PTDSS2: variants seen among roughly 807,000 people sequenced by gnomAD.
PTDSS2 encodes the protein phosphatidylserine synthase 2, also known as PSS-2.
PTDSS2 carries 41 observed loss-of-function variants against 64.7 expected under a neutral mutation model. That is an observed-to-expected ratio of 0.63 (90% CI 0.49 to 0.82). The LOEUF is 0.82. Among genes scored for constraint, PTDSS2 ranks in the 40% least tolerant of loss-of-function variants. The pLI is 0.00. For synonymous variants in PTDSS2, 297 were observed against 277.8 expected, an observed-to-expected ratio of 1.07 and a Z score of -0.69; for missense variants, 485 against 650.0, an observed-to-expected ratio of 0.75 and a Z score of 2.76.
intron 2 of PTDSS2, among the ~76,000 whole-genome samples, chr11:464,741 C>A (rs1315423864): frequency 6.6e-6 from 1 of 152,250 alleles, no homozygotes; most frequent in Non-Finnish European, 1.5e-5. Flanking sequence ...CTTTCCTCAC[C>A]AGTCCATTAC....
intron 1 of PTDSS2, among the ~76,000 whole-genome samples, chr11:455,482 G>T (rs1005704751): frequency 2.6e-5 from 4 of 152,184 alleles, no homozygotes; most frequent in African/African-American, 7.2e-5. Context: ...CCTTGGCGGG[G>T]TTCTGGGTGT....
intron 7 of PTDSS2, 100 bp downstream of exon 7, chr11:488,412 G>A (rs771479662): frequency 3.8e-5 from 50 of 1,304,918 alleles, no homozygotes; most frequent in Non-Finnish European, 5.0e-5. Context: ...CATTCTCCCC[G>A]GGGGGCAGTG....
chr11:484,735 C>G (rs771578296), intron 4 of PTDSS2, among the ~76,000 whole-genome samples: 1 of 140,942 alleles, frequency 7.1e-6, no homozygotes, highest in Non-Finnish European at 1.5e-5. Context: ...GATGCGTGTG[C>G]TCACCGTGTG....
rs564965238 is a variant in PTDSS2, at chr11:490,590, C to T, written c.*8C>T. ...GCACCAACTCCAAACTGACCTGGGC[C>T]GTGGCTGCCTCGTGAGCCTCCCAGA... On this transcript the variant is annotated 3_prime_UTR_variant, in exon 12 of 12. Transcript: ENST00000308020. 48 of 1,576,604 alleles carry T rather than the reference C, an allele frequency of 3.0e-5. No homozygotes were observed. The highest frequency in any genetic ancestry group is 1.8e-4 in the South Asian group (16 of 86,922).
At chr11:486,323 TA>T (rs1848382856) in intron 4 of PTDSS2, among the ~76,000 whole-genome samples, 1 of 152,154 alleles carries the variant, frequency 6.6e-6, no homozygotes, top group South Asian at 2.1e-4. Context: ...CGCGCCGCAG[TA>T]ACTCAGGGCC....
At position 450,645 on chromosome 11, in the gene PTDSS2, C is replaced by G; in HGVS notation, c.182+8C>G. The stretch of plus-strand genomic sequence containing the variant: ...CACCAACACCTTCTTCTGGTGAGGG[C>G]AGTGGGCGGCCGCGGGGCGGCGAGG... On this transcript the variant is annotated splice_region_variant and intron_variant, in intron 1 of 11. Coordinates refer to ENST00000308020, the MANE Select transcript of PTDSS2 (RefSeq NM_030783.3). The G allele has an allele frequency of 8.0e-7, 1 of 1,243,326 alleles. No individual in the cohort carries two copies. The highest frequency in any genetic ancestry group is 4.1e-5 in the South Asian group (1 of 24,308). 77.0% of individuals were successfully genotyped at this position (1,243,326 alleles called of 1,614,324 possible). A position where few individuals can be genotyped will look rare whatever the true frequency, so the allele number is the denominator to read the frequency against.
chr11:465,329 T>C (rs1847093774), intron 2 of PTDSS2, among the ~76,000 whole-genome samples: 1 of 152,220 alleles, frequency 6.6e-6, no homozygotes, highest in African/African-American at 2.4e-5. Flanking sequence ...GAGCTAGGAC[T>C]ACCGGTGTGC....
chr11:474,085 GCC>G, intron 3 of PTDSS2, 108 bp downstream of exon 3: 1 of 954,434 alleles, frequency 1.0e-6, no homozygotes, highest in East Asian at 2.4e-5. Flanking sequence ...CCTCCGCCTG[GCC>G]CCTCCCCGAG....
chr11:490,629 TG>T lies in PTDSS2; in HGVS notation c.*49del. On this transcript the variant is annotated 3_prime_UTR_variant, in exon 12 of 12. Transcript: ENST00000308020. Reference sequence around the variant, plus strand: ...GAGCCTCCCAGAGCCCAGGCCTCCGTGGCCTCCTCCTGTGTGAGTCCCACCA... The same window carrying T: ...GAGCCTCCCAGAGCCCAGGCCTCCGTGCCTCCTCCTGTGTGAGTCCCACCA... 1.3e-6 allele frequency: 2 copies of T among 1,524,760 alleles called. No individual in the cohort carries two copies. Among genetic ancestry groups the T allele is most frequent in the Non-Finnish European group, 1.8e-6 (2 of 1,131,158 alleles). 94.5% of individuals were successfully genotyped at this position (1,524,760 alleles called of 1,614,324 possible).
At position 464,409 on chromosome 11, in the gene PTDSS2, G is replaced by T. The variant is rs145435646; in HGVS notation, c.284+4121G>T. Among the ~76,000 whole-genome samples the T allele has an allele frequency of 7.5e-4, 114 of 152,348 alleles. 2 individuals are homozygous for T. The highest frequency in any genetic ancestry group is 2.6e-3 in the African/African-American group (107 of 41,586). On this transcript the variant is annotated intron_variant, in intron 2 of 11. Coordinates refer to ENST00000308020, the MANE Select transcript of PTDSS2 (RefSeq NM_030783.3). The stretch of plus-strand genomic sequence containing the variant: ...CGTGTGCCCACCACTGCATGGGGGT[G>T]CGAAAGTGTTCACTGTTCCCTGCGC...
Position 479,489 on chromosome 11 carries a change from T to C in PTDSS2, c.435+337T>C. On this transcript the variant is annotated intron_variant, in intron 4 of 11. Coordinates refer to ENST00000308020, the MANE Select transcript of PTDSS2 (RefSeq NM_030783.3). The surrounding 1 kb of genome is among the most constrained non-coding windows in gnomAD (Gnocchi z 4.2). ...CAGGCACAGAAGAGGGCAGGGCCAG[T>C]GGTGCAGCTGCCAGGGTGGCTTTGC... is the stretch of plus-strand genomic sequence containing the variant. 2.7e-6 allele frequency: 1 copy of C among 376,454 alleles called. No individual in the cohort carries two copies. Among genetic ancestry groups the C allele is most frequent in the South Asian group, 2.9e-5 (1 of 33,908 alleles). 23.3% of individuals were successfully genotyped at this position (376,454 alleles called of 1,614,324 possible).
At position 470,635 on chromosome 11, in the gene PTDSS2, G is replaced by A. The variant is rs1446152161; in HGVS notation, c.285-3260G>A. 6.6e-6 allele frequency among the ~76,000 whole-genome samples: 1 copy of A among 152,162 alleles called. No individual in the cohort carries two copies. The highest frequency in any genetic ancestry group is 1.5e-5 in the Non-Finnish European group (1 of 68,028). ...GACAGAGTATCACTGTGTCACCCAG[G>A]CTGGAGTGTAGTGGCGTGATCTCGG... On this transcript the variant is annotated intron_variant, in intron 2 of 11. Transcript: ENST00000308020. The surrounding 1 kb of genome is among the most constrained non-coding windows in gnomAD (Gnocchi z 5.3).
chr11:489,314 G>A (rs1000499532), intron 8 of PTDSS2, 86 bp from the exon 9 acceptor site: 9 of 1,169,238 alleles, frequency 7.7e-6, no homozygotes, highest in African/African-American at 7.5e-5. Context: ...GCGGGGCCGG[G>A]TGACCAGGAA....
rs773803413 is a variant in PTDSS2, at chr11:487,488, C to G, written c.621+18C>G. On this transcript the variant is annotated intron_variant, in intron 6 of 11. Coordinates refer to ENST00000308020, the MANE Select transcript of PTDSS2 (RefSeq NM_030783.3). The stretch of plus-strand genomic sequence containing the variant: ...ACCTGAAGGTACGGCACCTCCTCTT[C>G]CCGGCCTCCCCGCCCCGGTTCTGAG... 17 of 1,612,458 alleles carry G rather than the reference C, an allele frequency of 1.1e-5. No individual in the cohort carries two copies. In the Admixed American group the frequency reaches 2.5e-4, roughly 24 times the overall value.
At chr11:465,248 T>C (rs756840304) in intron 2 of PTDSS2, among the ~76,000 whole-genome samples, 48 of 152,356 alleles carry the variant, frequency 3.2e-4, no homozygotes, top group Admixed American at 1.5e-3. Flanking sequence ...TGGAGTGCAG[T>C]GGCGCAGTCA....
intron 11 of PTDSS2, 100 bp downstream of exon 11, chr11:490,168 C>G: frequency 7.4e-7 from 1 of 1,346,058 alleles, no homozygotes; most frequent in Non-Finnish European, 1.0e-6. Context: ...GTCTCACTGT[C>G]CCTGCTTCAA....
intron 4 of PTDSS2, among the ~76,000 whole-genome samples, chr11:485,542 AAAC>A (rs1848314121): frequency 7.5e-6 from 1 of 133,192 alleles, no homozygotes; most frequent in African/African-American, 2.9e-5. Context: ...AGGCGAGTGT[AAAC>A]AGTGCACGGG....
chr11:467,357 C>T (rs374903494), intron 2 of PTDSS2, among the ~76,000 whole-genome samples: 1 of 152,058 alleles, frequency 6.6e-6, no homozygotes, highest in Non-Finnish European at 1.5e-5. Flanking sequence ...CCTTAAAAAC[C>T]GACAGTACCA....
chr11:475,467 G>A (rs1361052530), intron 3 of PTDSS2, among the ~76,000 whole-genome samples: 4 of 149,050 alleles, frequency 2.7e-5, no homozygotes, highest in East Asian at 2.0e-4. Context: ...ATATATTCAC[G>A]CATTTGTGAT....
Sources: gnomAD v4.1 joint callset for allele counts (sites outside exome capture counted in the v4.1 genomes callset) on GRCh38, gnomAD v4.1.1 for gene constraint, Gnocchi (gnomAD v3.1) non-coding constraint, MANE v1.5 for transcripts, NCBI Gene and HGNC (gene_info 2026-07-23, HGNC 2026-07-21) for gene names.